Variants in CACNA2D4 observed in about 807,000 individuals in gnomAD.
The protein encoded by CACNA2D4 is voltage-dependent calcium channel subunit alpha-2/delta-4.
Under a neutral mutation model 163.8 loss-of-function variants are expected in CACNA2D4, and 157 were observed. The observed-to-expected ratio is 0.96, with a 90% CI of 0.84 to 1.09. The LOEUF (loss-of-function observed/expected upper bound fraction) is 1.09. Ranked by LOEUF, CACNA2D4 falls within the 50% of genes least tolerant of loss-of-function variation. The pLI is 0.00. For missense variants in CACNA2D4, 1,410 were observed against 1,479.9 expected (o/e 0.95, Z 0.78); for synonymous variants, 598 against 586.9 (o/e 1.02, Z -0.27).
intron 20 of CACNA2D4, 67 bp downstream of exon 20, chr12:1,858,510 G>C (rs2286371): frequency 6.9e-7 from 1 of 1,443,938 alleles, no homozygotes; most frequent in South Asian, 1.2e-5. Context: ...GGTTGGCCCT[G>C]CCCAGTGTCC....
chr12:1,875,389 CAA>C lies in CACNA2D4; in HGVS notation c.1720-54_1720-53del. ...ACATGTGGTCAGTATACGTCCTGCT[CAA>C]GTTTATCTCTTCTACAAAGCCTTTC... On this transcript the variant is annotated intron_variant, in intron 16 of 37. Transcript: ENST00000382722. The surrounding 1 kb of genome is among the most constrained non-coding windows in gnomAD (Gnocchi z 4.0). 1 of 1,118,018 alleles carries C rather than the reference CAA, an allele frequency of 8.9e-7. No homozygotes were observed. Among genetic ancestry groups the C allele is most frequent in the Non-Finnish European group, 1.4e-6 (1 of 728,072 alleles). The allele number at this position is 1,118,018 out of a possible 1,614,324, so 69.3% of individuals were successfully genotyped here. A position where few individuals can be genotyped will look rare whatever the true frequency, so the allele number is the denominator to read the frequency against.
intron 18 of CACNA2D4, among the ~76,000 whole-genome samples, chr12:1,865,569 G>A (rs772721990): frequency 3.9e-5 from 6 of 152,224 alleles, no homozygotes; most frequent in Non-Finnish European, 5.9e-5. Context: ...GTAGTTCATC[G>A]AGAAGGCAGC....
chr12:1,849,145 G>A (rs910077277), intron 23 of CACNA2D4, among the ~76,000 whole-genome samples: 1 of 152,134 alleles, frequency 6.6e-6, no homozygotes, highest in African/African-American at 2.4e-5. Context: ...TTGAAAGTCC[G>A]AAGTCTGGGG....
intron 29 of CACNA2D4, among the ~76,000 whole-genome samples, chr12:1,808,362 A>G (rs557218852): frequency 2.6e-5 from 4 of 152,230 alleles, no homozygotes; most frequent in Admixed American, 6.5e-5. Context: ...GTGGTTGGGG[A>G]AAAAAAGTCA....
chr12:1,857,146 G>A (rs976524222), intron 20 of CACNA2D4, among the ~76,000 whole-genome samples: 2 of 152,216 alleles, frequency 1.3e-5, no homozygotes, highest in African/African-American at 4.8e-5. Flanking sequence ...GGGATGATGG[G>A]GAACAGAGGA....
At chr12:1,902,470 A>G (rs1482768843) in intron 6 of CACNA2D4, among the ~76,000 whole-genome samples, 1 of 152,112 alleles carries the variant, frequency 6.6e-6, no homozygotes, top group African/African-American at 2.4e-5. Flanking sequence ...GAAAACCTAA[A>G]GACTCCACCA....
intron 21 of CACNA2D4, 22 bp from the exon 22 acceptor site, chr12:1,856,131 G>A (rs771963109): frequency 3.1e-6 from 5 of 1,613,594 alleles, no homozygotes; most frequent in Non-Finnish European, 1.7e-6. Flanking sequence ...GAAAGTCAGT[G>A]TTATCTCAAA....
Position 1,806,102 on chromosome 12 carries a change from G to A in CACNA2D4, c.2721+4176C>T, listed in dbSNP as rs1001752888. Among the ~76,000 whole-genome samples the A allele has an allele frequency of 2.0e-5, 3 of 152,178 alleles. No homozygotes were observed. Among genetic ancestry groups the A allele is most frequent in the Non-Finnish European group, 4.4e-5 (3 of 68,022 alleles). ...GGGAAAGGTGCTGGGATGGGGCCTC[G>A]GATTTTCTAGGCTGCAGTTGCTGCC... On this transcript the variant is annotated intron_variant, in intron 29 of 37. Transcript: ENST00000382722. This position sits in a 1 kb window ranked among gnomAD's most constrained non-coding sequence, Gnocchi z 4.1.
At chr12:1,808,179 C>G (rs892786006) in intron 29 of CACNA2D4, among the ~76,000 whole-genome samples, 1 of 152,068 alleles carries the variant, frequency 6.6e-6, no homozygotes. Context: ...GGAGAGGCCA[C>G]GTGCTCTCCA....
intron 6 of CACNA2D4, among the ~76,000 whole-genome samples, chr12:1,906,301 A>G (rs1198693729): frequency 6.6e-6 from 1 of 152,234 alleles, no homozygotes; most frequent in African/African-American, 2.4e-5. Flanking sequence ...AGAAAACAAA[A>G]GATAAAATAA....
intron 18 of CACNA2D4, 100 bp from the exon 19 acceptor site, chr12:1,860,306 A>T (rs1273721231): frequency 1.2e-6 from 1 of 829,546 alleles, no homozygotes; most frequent in African/African-American, 1.7e-5. Context: ...GTCACTGTAC[A>T]GTCCCTCCGC....
intron 27 of CACNA2D4, 118 bp downstream of exon 27, chr12:1,811,544 G>A (rs75216512): frequency 0.038 from 39,784 of 1,036,826 alleles, 928 homozygotes; most frequent in Middle Eastern, 0.049. Context: ...TGTAGGGGCC[G>A]GGAGGGCATC....
At chr12:1,849,741 G>A (rs960671) in intron 23 of CACNA2D4, among the ~76,000 whole-genome samples, 10,619 of 152,176 alleles carry the variant, frequency 0.07, 846 homozygotes, top group East Asian at 0.4. Context: ...AAGTACGTGT[G>A]TGTATGTGTA....
In CACNA2D4 at chr12:1,792,739, A is replaced by T. The variant is rs961482605; in HGVS notation, c.*916T>A. On this transcript the variant is annotated 3_prime_UTR_variant, in exon 38 of 38. Coordinates refer to ENST00000382722, the MANE Select transcript of CACNA2D4 (RefSeq NM_172364.5). ...CTGCTTAGCAAGTTGGAATGTTCCC[A>T]CAAGTTCCAACCCTAAGGATTTCAC... 3.3e-5 allele frequency: 5 copies of T among 152,174 alleles called. No homozygotes were observed. Among genetic ancestry groups the T allele is most frequent in the Non-Finnish European group, 7.3e-5 (5 of 68,030 alleles). The allele number at this position is 152,174 out of a possible 1,614,324, so 9.4% of individuals were successfully genotyped here.
intron 6 of CACNA2D4, among the ~76,000 whole-genome samples, chr12:1,893,216 C>T (rs561545400): frequency 1.1e-4 from 16 of 152,282 alleles, no homozygotes; most frequent in African/African-American, 3.8e-4. Context: ...GAAACATTCT[C>T]CAGGACAGAT....
At position 1,828,895 on chromosome 12, in the gene CACNA2D4, G is replaced by C. The variant is rs569695264; in HGVS notation, c.2551+11844C>G. ...AGCCCTGAGAATTCTCTTTATATGT[G>C]GCAAAGGGACCAGGTCAGCAAGGGC... On this transcript the variant is annotated intron_variant, in intron 26 of 37. Transcript: ENST00000382722. This position sits in a 1 kb window ranked among gnomAD's most constrained non-coding sequence, Gnocchi z 4.2. 3.7e-4 allele frequency among the ~76,000 whole-genome samples: 57 copies of C among 152,304 alleles called. No individual in the cohort carries two copies. Among genetic ancestry groups the C allele is most frequent in the African/African-American group, 1.4e-3 (57 of 41,552 alleles).
rs118166561 is a variant in CACNA2D4, at chr12:1,799,466, T to C, written c.2995+209A>G. 2.2e-4 allele frequency among the ~76,000 whole-genome samples: 33 copies of C among 152,262 alleles called. No individual in the cohort carries two copies. In the East Asian group the frequency reaches 6.4e-3, roughly 29 times the overall value. Reference sequence around the variant, plus strand: ...CCAAGGGGAGGCTGGAGTTTCTCATTTTCCCTGGGGCCTGACCGTCCTCAT... The same window carrying C: ...CCAAGGGGAGGCTGGAGTTTCTCATCTTCCCTGGGGCCTGACCGTCCTCAT... On this transcript the variant is annotated intron_variant, in intron 34 of 37. Coordinates refer to ENST00000382722, the MANE Select transcript of CACNA2D4 (RefSeq NM_172364.5). The surrounding 1 kb of genome is among the most constrained non-coding windows in gnomAD (Gnocchi z 4.7).
At chr12:1,864,632 T>C (rs1280812175) in intron 18 of CACNA2D4, among the ~76,000 whole-genome samples, 1 of 152,200 alleles carries the variant, frequency 6.6e-6, no homozygotes, top group Non-Finnish European at 1.5e-5. Flanking sequence ...GGAGGCCCAG[T>C]CCCACCAGGG....
chr12:1,886,341 A>G lies in CACNA2D4; in HGVS notation c.875T>C (p.Ile292Thr), dbSNP rs1866145709. Residue 292 changes from isoleucine to threonine, a missense_variant, in exon 8 of 38, where the codon ATA becomes ACA. By Grantham distance (89) the Ile-to-Thr change is moderately conservative. Transcript: ENST00000382722. Reference sequence around the variant, plus strand: ...GCCGCTCACGTCCACCAAAATCACTATGTCCTTGGGAGAAGTAGCAGCTTG... The same window carrying G: ...GCCGCTCACGTCCACCAAAATCACTGTGTCCTTGGGAGAAGTAGCAGCTTG... ...YIQAATSPKD[I>T]VILVDVSGSM... The G allele has an allele frequency of 2.5e-6, 4 of 1,613,916 alleles. No homozygotes were observed. The East Asian group carries it at 6.7e-5, about 27-fold the overall frequency.
Sources: gnomAD v4.1 joint callset for allele counts (sites outside exome capture counted in the v4.1 genomes callset) on GRCh38, gnomAD v4.1.1 for gene constraint, Gnocchi (gnomAD v3.1) non-coding constraint, MANE v1.5 for transcripts, NCBI Gene and HGNC (gene_info 2026-07-23, HGNC 2026-07-21) for gene names.